Variants in B3GALT5 observed in about 807,000 individuals in gnomAD.
B3GALT5 encodes beta-1,3-galactosyltransferase 5.
For missense variants in B3GALT5, 328 were observed against 396.6 expected (o/e 0.83, Z 1.47); for synonymous variants, 156 against 158.6 (o/e 0.98, Z 0.12).
chr21:39,642,447 C>A (rs992111309), intron 1 of B3GALT5, among the ~76,000 whole-genome samples: 4 of 152,084 alleles, frequency 2.6e-5, no homozygotes, highest in Non-Finnish European at 5.9e-5. Flanking sequence ...CATTGGAGAC[C>A]CAGGGACCTG....
chr21:39,640,265 G>A (rs533372006), intron 1 of B3GALT5, among the ~76,000 whole-genome samples: 1 of 152,294 alleles, frequency 6.6e-6, no homozygotes, highest in South Asian at 2.1e-4. Flanking sequence ...ACTCTAGGTG[G>A]TGGGCGGTGT....
intron 2 of B3GALT5, among the ~76,000 whole-genome samples, chr21:39,653,407 C>T (rs2079413273): frequency 6.6e-6 from 1 of 152,162 alleles, no homozygotes; most frequent in South Asian, 2.1e-4. Flanking sequence ...GGGTCTGGGC[C>T]CTCTAAATAT....
intron 1 of B3GALT5, among the ~76,000 whole-genome samples, chr21:39,641,434 C>G (rs1037300465): frequency 1.3e-5 from 2 of 152,054 alleles, no homozygotes; most frequent in African/African-American, 4.8e-5. Flanking sequence ...ACTTTGTTTA[C>G]TAGAATATTA....
intron 2 of B3GALT5, among the ~76,000 whole-genome samples, chr21:39,652,474 A>G (rs1879376712): frequency 6.6e-6 from 1 of 151,800 alleles, no homozygotes; most frequent in Admixed American, 6.6e-5. Context: ...CAGGTGTAGA[A>G]CACGTAAGTG....
At chr21:39,639,391 C>CTTCCTTCT (rs1569212311) in intron 1 of B3GALT5, among the ~76,000 whole-genome samples, 15 of 81,754 alleles carry the variant, frequency 1.8e-4, no homozygotes, top group African/African-American at 6.8e-4. Context: ...TCCTTCCTTC[C>CTTCCTTCT]TTCTTTCTTT....
intron 2 of B3GALT5, among the ~76,000 whole-genome samples, chr21:39,655,456 C>G (rs1438161675): frequency 6.6e-6 from 1 of 152,162 alleles, no homozygotes; most frequent in Admixed American, 6.5e-5. Context: ...CTTGGGGTTG[C>G]CAGCCCAGTG....
chr21:39,617,179 CTG>C (rs1173767832), intron 1 of B3GALT5, among the ~76,000 whole-genome samples: 1 of 152,136 alleles, frequency 6.6e-6, no homozygotes, highest in Non-Finnish European at 1.5e-5. Flanking sequence ...ATGTATAAAT[CTG>C]TGATTAATTA....
At chr21:39,629,840 A>G (rs1450427685) in intron 1 of B3GALT5, among the ~76,000 whole-genome samples, 1 of 152,210 alleles carries the variant, frequency 6.6e-6, no homozygotes, top group Non-Finnish European at 1.5e-5. Flanking sequence ...TAAGTAGGCT[A>G]TCATTTTTCT....
At chr21:39,617,303 T>A (rs1195842293) in intron 1 of B3GALT5, among the ~76,000 whole-genome samples, 1 of 152,246 alleles carries the variant, frequency 6.6e-6, no homozygotes, top group East Asian at 1.9e-4. Flanking sequence ...ATAGCTTGTA[T>A]TACTCCATTT....
At chr21:39,646,713 A>G (rs1250005588) in intron 2 of B3GALT5, 91 bp downstream of exon 2, 1 of 152,196 alleles carries the variant, frequency 6.6e-6, no homozygotes, top group Non-Finnish European at 1.5e-5. Flanking sequence ...TGCTGTGAGT[A>G]GTGAATAAGG....
intron 1 of B3GALT5, among the ~76,000 whole-genome samples, chr21:39,638,769 C>T (rs1240748494): frequency 1.3e-5 from 2 of 152,116 alleles, no homozygotes; most frequent in Non-Finnish European, 2.9e-5. Flanking sequence ...GGGGTCAGAG[C>T]CCCACAGCCT....
intron 1 of B3GALT5, among the ~76,000 whole-genome samples, chr21:39,626,956 G>A (rs1410031811): frequency 6.6e-6 from 1 of 152,088 alleles, no homozygotes; most frequent in Non-Finnish European, 1.5e-5. Context: ...CGCTTGTCCT[G>A]TTCTCAGGCT....
intron 1 of B3GALT5, among the ~76,000 whole-genome samples, chr21:39,634,838 C>T (rs2146193924): frequency 6.6e-6 from 1 of 152,258 alleles, no homozygotes; most frequent in African/African-American, 2.4e-5. Context: ...CAGCTCAAAG[C>T]ACATTCCCTA....
chr21:39,635,766 C>T (rs947906327), intron 1 of B3GALT5, among the ~76,000 whole-genome samples: 6 of 152,188 alleles, frequency 3.9e-5, no homozygotes, highest in Admixed American at 3.9e-4. Flanking sequence ...AGGTGTGAGC[C>T]ACCGCACCTG....
In B3GALT5 at chr21:39,640,574, G is replaced by A. The variant is rs16998045; in HGVS notation, c.-391-5818G>A. On this transcript the variant is annotated intron_variant, in intron 1 of 3. Coordinates refer to ENST00000684187, the MANE Select transcript of B3GALT5 (RefSeq NM_001356336.2). ...CCTTAAAAGTTCTCAGACACGTTTC[G>A]AAGGAATTAAACAATTATTTGCCCA... Among the ~76,000 whole-genome samples, 695 of 152,204 alleles carry A rather than the reference G, an allele frequency of 4.6e-3. 9 individuals are homozygous for A. Among genetic ancestry groups the A allele is most frequent in the East Asian group, 0.023 (119 of 5,176 alleles).
intron 2 of B3GALT5, among the ~76,000 whole-genome samples, chr21:39,648,780 G>A (rs1387749535): frequency 7.0e-6 from 1 of 142,830 alleles, no homozygotes; most frequent in South Asian, 2.3e-4. Context: ...GACATTGGGA[G>A]CTGAGTAGGT....
chr21:39,672,425 G>A lies in B3GALT5; in HGVS notation c.*10933G>A, dbSNP rs1170720101. The A allele has an allele frequency of 2.0e-5, 3 of 152,302 alleles. No homozygotes were observed. The highest frequency in any genetic ancestry group is 4.4e-5 in the Non-Finnish European group (3 of 68,028). The allele number at this position is 152,302 out of a possible 1,614,324, so 9.4% of individuals were successfully genotyped here. A position where few individuals can be genotyped will look rare whatever the true frequency, so the allele number is the denominator to read the frequency against. On this transcript the variant is annotated 3_prime_UTR_variant, in exon 4 of 4. Transcript: ENST00000684187. ...AAATTTTGCTTTTCCTAAAAGACAC[G>A]AAATTAAATTTACATGTCACTGAAT... is the stretch of plus-strand genomic sequence containing the variant.
chr21:39,666,567 T>C lies in B3GALT5; in HGVS notation c.*5075T>C, dbSNP rs187675326. The C allele has an allele frequency of 1.3e-5, 2 of 152,404 alleles. No homozygotes were observed. Among genetic ancestry groups the C allele is most frequent in the African/African-American group, 4.8e-5 (2 of 41,542 alleles). The allele number at this position is 152,404 out of a possible 1,614,324, so 9.4% of individuals were successfully genotyped here. On this transcript the variant is annotated 3_prime_UTR_variant, in exon 4 of 4. Coordinates refer to ENST00000684187, the MANE Select transcript of B3GALT5 (RefSeq NM_001356336.2). ...CCTCAGCCTCCCAGAGTGCTGGGATTATAGGTGTGAGCCACCACACCCAGC... is the reference window on the plus strand; with the variant it reads ...CCTCAGCCTCCCAGAGTGCTGGGATCATAGGTGTGAGCCACCACACCCAGC...
intron 1 of B3GALT5, among the ~76,000 whole-genome samples, chr21:39,627,321 C>T (rs1430389260): frequency 6.6e-6 from 1 of 152,202 alleles, no homozygotes; most frequent in Non-Finnish European, 1.5e-5. Context: ...CATCACCTGG[C>T]TTCAGATGCT....
Sources: allele counts gnomAD v4.1 joint callset (sites outside exome capture counted in the v4.1 genomes callset), GRCh38; gene constraint gnomAD v4.1.1; transcripts MANE v1.5; gene names NCBI Gene and HGNC (gene_info 2026-07-23, HGNC 2026-07-21).